SLC10A7: variants seen among roughly 807,000 people sequenced by gnomAD.
The protein encoded by SLC10A7 is solute carrier family 10 member 7, also known as sodium/bile acid cotransporter 7.
A neutral mutation model predicts 43.2 loss-of-function variants in SLC10A7; 29 were observed. The ratio of observed to expected loss-of-function variants is 0.67; its 90% CI spans 0.50 to 0.92. The LOEUF is 0.92. Among genes scored for constraint, SLC10A7 ranks in the 40% least tolerant of loss-of-function variants. SLC10A7 has a pLI of 0.00. For missense variants in SLC10A7, 295 were observed against 403.2 expected (o/e 0.73, Z 2.30); for synonymous variants, 152 against 144.8 (o/e 1.05, Z -0.35).
At chr4:146,431,290 A>G (rs1156241369) in intron 5 of SLC10A7, among the ~76,000 whole-genome samples, 1 of 152,138 alleles carries the variant, frequency 6.6e-6, no homozygotes, top group Non-Finnish European at 1.5e-5. Flanking sequence ...TTTACAGGGC[A>G]AAAAAACACA....
Position 146,521,739 on chromosome 4 carries a change from T to G in SLC10A7, c.-22A>C, listed in dbSNP as rs1738708098. 2 of 1,595,078 alleles carry G rather than the reference T, an allele frequency of 1.3e-6. No homozygotes were observed. The highest frequency in any genetic ancestry group is 1.3e-5 in the African/African-American group (1 of 74,368). ...TCATATTTGTTAGGGTGGGTGGGTT[T>G]TGTTTATTTGTTTGGCTTTTTTTCT... is the stretch of plus-strand genomic sequence containing the variant. On this transcript the variant is annotated 5_prime_UTR_variant, in exon 1 of 12. Transcript: ENST00000335472.
chr4:146,390,428 A>G (rs906805693), intron 5 of SLC10A7, among the ~76,000 whole-genome samples: 16 of 152,170 alleles, frequency 1.1e-4, no homozygotes, highest in African/African-American at 3.6e-4. Flanking sequence ...CAGGAGTTCA[A>G]GACCAAGCTA....
chr4:146,370,680 G>A (rs1277156311), intron 5 of SLC10A7, among the ~76,000 whole-genome samples: 1 of 151,948 alleles, frequency 6.6e-6, no homozygotes, highest in African/African-American at 2.4e-5. Flanking sequence ...GCGCTCAGAG[G>A]TACTTTTCAT....
intron 6 of SLC10A7, among the ~76,000 whole-genome samples, chr4:146,320,505 G>A (rs984707593): frequency 5.9e-5 from 9 of 151,976 alleles, no homozygotes; most frequent in Non-Finnish European, 1.3e-4. Context: ...TAAGATAGGA[G>A]CTGTTAATCA....
At chr4:146,509,153 A>G (rs1737215986) in intron 3 of SLC10A7, among the ~76,000 whole-genome samples, 1 of 152,122 alleles carries the variant, frequency 6.6e-6, no homozygotes, top group African/African-American at 2.4e-5. Context: ...ATTTATCTCT[A>G]TCTTGCTCAT....
chr4:146,307,529 C>T (rs1236252518), intron 6 of SLC10A7, among the ~76,000 whole-genome samples: 1 of 152,142 alleles, frequency 6.6e-6, no homozygotes, highest in Non-Finnish European at 1.5e-5. Context: ...CAAATACATT[C>T]TCTCCACAAA....
At chr4:146,455,205 C>A (rs1731941648) in intron 4 of SLC10A7, among the ~76,000 whole-genome samples, 1 of 151,768 alleles carries the variant, frequency 6.6e-6, no homozygotes, top group African/African-American at 2.4e-5. Flanking sequence ...ATCATAATAA[C>A]TACAATACAA....
chr4:146,403,793 GA>G (rs1421299911), intron 5 of SLC10A7, among the ~76,000 whole-genome samples: 2 of 152,082 alleles, frequency 1.3e-5, no homozygotes, highest in African/African-American at 2.4e-5. Context: ...TAAGGGGGAA[GA>G]AAATCCAAAC....
chr4:146,453,140 C>A (rs568395596), intron 4 of SLC10A7, among the ~76,000 whole-genome samples: 33 of 151,740 alleles, frequency 2.2e-4, no homozygotes, highest in Non-Finnish European at 3.8e-4. Context: ...TTTCTTGACA[C>A]CAGTGGAAAA....
Position 146,283,253 on chromosome 4 carries a change from A to G in SLC10A7, c.786T>C (p.Gly262=). The change falls in exon 10 of 12, where the codon GGT becomes GGC. Residue 262 remains glycine, a synonymous_variant. Coordinates refer to ENST00000335472, the MANE Select transcript of SLC10A7 (RefSeq NM_001029998.6). ...TAGCCACTGTGTCTGCTGGTGTGAAACCCGAATTATTCCTAGGGGCAAAAA... is the reference window on the plus strand; with the variant it reads ...TAGCCACTGTGTCTGCTGGTGTGAAGCCCGAATTATTCCTAGGGGCAAAAA... ...TFIFSTRNNS[G]FTPADTVAII... is the part of the protein sequence containing the mutation. The G allele has an allele frequency of 6.2e-7, 1 of 1,613,264 alleles. No homozygotes were observed. Among genetic ancestry groups the G allele is most frequent in the Non-Finnish European group, 8.5e-7 (1 of 1,179,490 alleles).
chr4:146,308,367 C>G (rs1731733126), intron 6 of SLC10A7, among the ~76,000 whole-genome samples: 1 of 151,992 alleles, frequency 6.6e-6, no homozygotes, highest in Non-Finnish European at 1.5e-5. Context: ...TGCAGAGGAC[C>G]CCTGGGGAAG....
intron 5 of SLC10A7, among the ~76,000 whole-genome samples, chr4:146,428,550 T>C (rs1729539018): frequency 1.1e-5 from 1 of 92,182 alleles, no homozygotes; most frequent in East Asian, 2.4e-4. Context: ...ACCTTGGCTC[T>C]TTTTTTTTTT....
At chr4:146,257,030 A>C in intron 11 of SLC10A7, 1 of 867,710 alleles carries the variant, frequency 1.2e-6, no homozygotes, top group African/African-American at 1.7e-5. Context: ...GAGCTTTTAA[A>C]TGTTTGGAAG....
At chr4:146,341,911 G>A (rs1215901621) in intron 5 of SLC10A7, among the ~76,000 whole-genome samples, 1 of 151,592 alleles carries the variant, frequency 6.6e-6, no homozygotes, top group African/African-American at 2.4e-5. Flanking sequence ...AGTTATACAT[G>A]AATCTCATTA....
At chr4:146,360,466 G>A (rs1735964883) in intron 5 of SLC10A7, among the ~76,000 whole-genome samples, 1 of 151,766 alleles carries the variant, frequency 6.6e-6, no homozygotes, top group South Asian at 2.1e-4. Flanking sequence ...TCTGAGACAG[G>A]GTCTTGCTTT....
chr4:146,517,326 G>A (rs1738109318), intron 1 of SLC10A7, among the ~76,000 whole-genome samples: 1 of 152,096 alleles, frequency 6.6e-6, no homozygotes, highest in Non-Finnish European at 1.5e-5. Context: ...AGCCGGGCAT[G>A]GTGGTGCATG....
At chr4:146,458,347 C>G (rs1732260855) in intron 4 of SLC10A7, among the ~76,000 whole-genome samples, 1 of 151,624 alleles carries the variant, frequency 6.6e-6, no homozygotes, top group East Asian at 1.9e-4. Flanking sequence ...AAAAACCAAA[C>G]AGCTGACATC....
chr4:146,496,514 C>T (rs1735914081), intron 4 of SLC10A7, among the ~76,000 whole-genome samples: 1 of 152,126 alleles, frequency 6.6e-6, no homozygotes, highest in South Asian at 2.1e-4. Flanking sequence ...CCCTTCTCCC[C>T]TGAAGACCCT....
At chr4:146,305,835 T>C in intron 7 of SLC10A7, 91 bp downstream of exon 7, 1 of 1,105,218 alleles carries the variant, frequency 9.0e-7, no homozygotes, top group Non-Finnish European at 1.3e-6. Flanking sequence ...CTCCTCCCTC[T>C]GAATATCCTT....
Sources: gnomAD v4.1 joint callset for allele counts (sites outside exome capture counted in the v4.1 genomes callset) on GRCh38, gnomAD v4.1.1 for gene constraint, MANE v1.5 for transcripts, NCBI Gene and HGNC (gene_info 2026-07-23, HGNC 2026-07-21) for gene names.